Variants in TMEM87B observed in about 807,000 individuals in gnomAD.
TMEM87B encodes transmembrane protein 87B.
TMEM87B carries 83 observed loss-of-function variants against 80.3 expected under a neutral mutation model. The ratio of observed to expected loss-of-function variants is 1.03; its 90% CI spans 0.87 to 1.24. TMEM87B has a LOEUF of 1.24. Among genes scored for constraint, TMEM87B ranks in the 50% most tolerant of loss-of-function variants. The pLI is 0.00. For synonymous variants in TMEM87B, 219 were observed against 230.5 expected (o/e 0.95, Z 0.45); for missense variants, 625 against 674.4 (o/e 0.93, Z 0.81).
At chr2:112,112,215 G>C (rs1679938734) in intron 17 of TMEM87B, among the ~76,000 whole-genome samples, 1 of 152,136 alleles carries the variant, frequency 6.6e-6, no homozygotes, top group African/African-American at 2.4e-5. Flanking sequence ...CACACATTGA[G>C]GCTAGATTAA....
chr2:112,085,672 A>C (rs1385569586), intron 8 of TMEM87B, among the ~76,000 whole-genome samples: 2 of 152,316 alleles, frequency 1.3e-5, no homozygotes, highest in East Asian at 3.9e-4. Flanking sequence ...ACTCTAGAGG[A>C]TGTTGTGGTT....
At chr2:112,056,625 A>G (rs1351640979) in intron 1 of TMEM87B, among the ~76,000 whole-genome samples, 2 of 152,228 alleles carry the variant, frequency 1.3e-5, no homozygotes, top group South Asian at 2.1e-4. Flanking sequence ...TTCCACATGC[A>G]TGAAATAATG....
intron 10 of TMEM87B, among the ~76,000 whole-genome samples, chr2:112,090,300 G>A (rs2104486018): frequency 6.6e-6 from 1 of 152,230 alleles, no homozygotes; most frequent in Admixed American, 6.5e-5. Context: ...ATTTATGTCT[G>A]CAAAGACCCC....
At chr2:112,106,424 G>A (rs1039176279) in intron 16 of TMEM87B, among the ~76,000 whole-genome samples, 1 of 152,068 alleles carries the variant, frequency 6.6e-6, no homozygotes, top group Non-Finnish European at 1.5e-5. Context: ...CTGCACATTC[G>A]AGATGGGAAA....
rs371866288 is a variant in TMEM87B, at chr2:112,086,042, G to A, written c.876G>A (p.Ala292=). ...GLLIFAELIS[A]IKRTLARLLV... is the part of the protein sequence containing the mutation. ...TGATATTTGCGGAGTTGATTTCTGC[G>A]ATTAAGAGGACGTTGGCTCGCCTTC... Residue 292 remains alanine, a synonymous_variant, in exon 9 of 19, where the codon GCG becomes GCA. Transcript: ENST00000283206. 1.9e-6 allele frequency: 3 copies of A among 1,614,188 alleles called. No homozygotes were observed. Among genetic ancestry groups the A allele is most frequent in the South Asian group, 1.1e-5 (1 of 91,086 alleles).
rs1444989555 is a variant in TMEM87B, at chr2:112,072,756, C to T, written c.451-2156C>T. 3.9e-5 allele frequency among the ~76,000 whole-genome samples: 6 copies of T among 152,050 alleles called. No individual in the cohort carries two copies. The East Asian group carries it at 5.8e-4, about 15-fold the overall frequency. ...GTCTTTTGAATGGTTTTTCATGTCTCGGTCCCCTTTAGTTCAGCTCTGATT... is the reference window on the plus strand; with the variant it reads ...GTCTTTTGAATGGTTTTTCATGTCTTGGTCCCCTTTAGTTCAGCTCTGATT... On this transcript the variant is annotated intron_variant, in intron 4 of 18. Coordinates refer to ENST00000283206, the MANE Select transcript of TMEM87B (RefSeq NM_032824.3).
intron 6 of TMEM87B, among the ~76,000 whole-genome samples, chr2:112,078,316 T>C (rs956178111): frequency 2.0e-5 from 3 of 152,210 alleles, no homozygotes; most frequent in Non-Finnish European, 4.4e-5. Context: ...AAGTTTGGTG[T>C]CTGGTTAGGT....
chr2:112,103,417 TA>T (rs900447242), intron 15 of TMEM87B, among the ~76,000 whole-genome samples: 17 of 151,316 alleles, frequency 1.1e-4, no homozygotes, highest in Non-Finnish European at 1.9e-4. Flanking sequence ...CTAGCTGACT[TA>T]AAAAAAAATA....
intron 13 of TMEM87B, among the ~76,000 whole-genome samples, 170 bp downstream of exon 13, chr2:112,097,461 T>G (rs1052417562): frequency 6.6e-6 from 1 of 152,140 alleles, no homozygotes; most frequent in Non-Finnish European, 1.5e-5. Context: ...GCGCGGTGGC[T>G]CACGCCTGTA....
At position 112,097,356 on chromosome 2, in the gene TMEM87B, A is replaced by G. The variant is rs188245771; in HGVS notation, c.1272+65A>G. 143 of 1,300,408 alleles carry G rather than the reference A, an allele frequency of 1.1e-4. No homozygotes were observed. In the East Asian group the frequency reaches 1.5e-3, roughly 13 times the overall value. 80.6% of individuals were successfully genotyped at this position (1,300,408 alleles called of 1,614,324 possible). On this transcript the variant is annotated intron_variant, in intron 13 of 18. Coordinates refer to ENST00000283206, the MANE Select transcript of TMEM87B (RefSeq NM_032824.3). ...ATACTATTTTGTAGAATTTTGAACAATTTAGTTTATGCTTGCAAATAGAGG... is the reference window on the plus strand; with the variant it reads ...ATACTATTTTGTAGAATTTTGAACAGTTTAGTTTATGCTTGCAAATAGAGG...
chr2:112,079,094 C>T (rs932921493), intron 6 of TMEM87B, among the ~76,000 whole-genome samples: 4 of 152,102 alleles, frequency 2.6e-5, no homozygotes, highest in African/African-American at 9.7e-5. Flanking sequence ...TACTCATCAC[C>T]CCAAATGCTT....
intron 16 of TMEM87B, 28 bp from the exon 17 acceptor site, chr2:112,107,760 C>T: frequency 2.8e-6 from 4 of 1,453,522 alleles, no homozygotes; most frequent in Non-Finnish European, 3.8e-6. Context: ...TGATATTAAG[C>T]AAATGCTAAG....
At chr2:112,058,414 G>T (rs1014795199) in intron 1 of TMEM87B, among the ~76,000 whole-genome samples, 1 of 152,198 alleles carries the variant, frequency 6.6e-6, no homozygotes, top group South Asian at 2.1e-4. Flanking sequence ...ACTACAGATT[G>T]CATGCCCATT....
In TMEM87B at chr2:112,116,140, G is replaced by A. The variant is rs750122283; in HGVS notation, c.1665G>A (p.Met555Ile). 82 of 1,612,028 alleles carry A rather than the reference G, an allele frequency of 5.1e-5. No homozygotes were observed. The highest frequency in any genetic ancestry group is 5.1e-6 in the Non-Finnish European group (6 of 1,179,120). ...AAATGTTCTCTTCAGAAAAGATAAT[G>A]TGATTGGAACCCGTATAAGAAATGT... Reference protein sequence around the residue: ...AEKMFSSEKIM With the variant: ...AEKMFSSEKII Residue 555 changes from methionine (M) to isoleucine (I), a missense_variant, in exon 19 of 19, where the codon ATG becomes ATA. Physicochemically the swap from Met to Ile is conservative, Grantham distance 10 (BLOSUM62 1). Transcript: ENST00000283206.
At chr2:112,071,465 C>A (rs1678633890) in intron 4 of TMEM87B, among the ~76,000 whole-genome samples, 3 of 152,084 alleles carry the variant, frequency 2.0e-5, no homozygotes, top group Admixed American at 2.0e-4. Flanking sequence ...CCATGCCCGG[C>A]TAATTTTTGA....
At chr2:112,076,845 TGTGTGTGTG>T (rs1558835567) in intron 5 of TMEM87B, among the ~76,000 whole-genome samples, 449 of 11,612 alleles carry the variant, frequency 0.039, 5 homozygotes, top group African/African-American at 0.35. Flanking sequence ...TTCTGTTTTG[TGTGTGTGTG>T]TGTGTGTGTG....
At chr2:112,055,853 C>T in intron 1 of TMEM87B, 97 bp downstream of exon 1, 1 of 1,377,038 alleles carries the variant, frequency 7.3e-7, no homozygotes, top group Non-Finnish European at 9.5e-7. Context: ...CCTGCCTCTG[C>T]CGGGTCAGCA....
intron 11 of TMEM87B, chr2:112,095,612 T>C (rs778356972): frequency 6.6e-5 from 27 of 411,768 alleles, no homozygotes; most frequent in Non-Finnish European, 8.8e-5. Context: ...AAAGTTCTCA[T>C]AGTAACCTGA....
chr2:112,062,623 T>C (rs1326438169), intron 2 of TMEM87B, among the ~76,000 whole-genome samples: 1 of 152,238 alleles, frequency 6.6e-6, no homozygotes, highest in Admixed American at 6.5e-5. Flanking sequence ...ATTGTGAATT[T>C]CACATTTTTG....
Sources: allele counts gnomAD v4.1 joint callset (sites outside exome capture counted in the v4.1 genomes callset), GRCh38; gene constraint gnomAD v4.1.1; transcripts MANE v1.5; gene names NCBI Gene and HGNC (gene_info 2026-07-23, HGNC 2026-07-21).